The following VSTM5 variants were observed in gnomAD, a reference collection of about 807,000 sequenced individuals.
VSTM5 encodes the protein V-set and transmembrane domain containing 5, also known as V-set and transmembrane domain-containing protein 5.
In VSTM5, 21 loss-of-function variants were observed where a neutral mutation model predicts 20.3. That is an observed-to-expected ratio of 1.03 (90% CI 0.73 to 1.49). VSTM5 has a LOEUF of 1.49. Among genes scored for constraint, VSTM5 ranks in the 40% most tolerant of loss-of-function variants. The pLI, the probability that VSTM5 is intolerant of heterozygous loss-of-function variation, is 0.00. For synonymous variants in VSTM5, 100 were observed against 102.5 expected (o/e 0.98, Z 0.14); for missense variants, 219 against 250.0 (o/e 0.88, Z 0.84).
intron 1 of VSTM5, among the ~76,000 whole-genome samples, chr11:93,831,374 C>T (rs1410439518): frequency 6.6e-6 from 1 of 152,206 alleles, no homozygotes. Context: ...TCTTGAAACA[C>T]CTGCCTGCCA....
At chr11:93,834,930 A>C (rs1042708386) in intron 1 of VSTM5, among the ~76,000 whole-genome samples, 3 of 152,204 alleles carry the variant, frequency 2.0e-5, no homozygotes, top group African/African-American at 7.2e-5. Flanking sequence ...TTCATGGATT[A>C]ATAGATAAGT....
chr11:93,848,469 C>A (rs926104744), intron 1 of VSTM5, among the ~76,000 whole-genome samples: 4 of 152,214 alleles, frequency 2.6e-5, no homozygotes, highest in Non-Finnish European at 2.9e-5. Flanking sequence ...TTTTACCTGG[C>A]CTCCAGGTTT....
intron 1 of VSTM5, among the ~76,000 whole-genome samples, chr11:93,838,365 G>A (rs1252550422): frequency 3.9e-5 from 6 of 151,996 alleles, no homozygotes; most frequent in East Asian, 1.9e-4. Context: ...ATAGCTACTC[G>A]GGAGACTGAG....
At chr11:93,829,388 C>T (rs976161283) in intron 1 of VSTM5, among the ~76,000 whole-genome samples, 23 of 152,018 alleles carry the variant, frequency 1.5e-4, no homozygotes, top group African/African-American at 7.3e-5. Context: ...ATTAGCCAGG[C>T]GTGGTGGCTG....
chr11:93,831,400 C>T (rs1944283590), intron 1 of VSTM5, among the ~76,000 whole-genome samples: 1 of 152,204 alleles, frequency 6.6e-6, no homozygotes, highest in Non-Finnish European at 1.5e-5. Flanking sequence ...TTGGGAAACA[C>T]AGCTTTGTGT....
chr11:93,837,733 G>C (rs1332034125), intron 1 of VSTM5, among the ~76,000 whole-genome samples: 19 of 152,076 alleles, frequency 1.2e-4, no homozygotes, highest in Non-Finnish European at 2.5e-4. Flanking sequence ...AACAATAAAT[G>C]GTAGGCACGG....
intron 1 of VSTM5, among the ~76,000 whole-genome samples, chr11:93,830,309 G>T (rs1012541117): frequency 1.3e-5 from 2 of 152,212 alleles, no homozygotes; most frequent in Non-Finnish European, 2.9e-5. Flanking sequence ...ACAGGTGCTT[G>T]CTCTTTGGGA....
At chr11:93,822,457 A>C (rs1395610632) in intron 1 of VSTM5, among the ~76,000 whole-genome samples, 1 of 149,468 alleles carries the variant, frequency 6.7e-6, no homozygotes, top group African/African-American at 2.5e-5. Flanking sequence ...CACAGCTCTG[A>C]TTCCAATCCT....
chr11:93,845,023 G>T (rs1944402960), intron 1 of VSTM5, among the ~76,000 whole-genome samples: 1 of 66,698 alleles, frequency 1.5e-5, no homozygotes, highest in Non-Finnish European at 3.2e-5. Flanking sequence ...ACACAACGTT[G>T]GGTGTTCTGA....
At chr11:93,840,685 C>CT (rs1316155136) in intron 1 of VSTM5, among the ~76,000 whole-genome samples, 1 of 152,180 alleles carries the variant, frequency 6.6e-6, no homozygotes, top group African/African-American at 2.4e-5. Context: ...CTTCAAAACT[C>CT]TAACACAGTG....
chr11:93,837,923 T>G (rs565019275), intron 1 of VSTM5, among the ~76,000 whole-genome samples: 1 of 149,078 alleles, frequency 6.7e-6, no homozygotes, highest in Non-Finnish European at 1.5e-5. Context: ...ATGGCACAAC[T>G]GATTCAGAGC....
In VSTM5 at chr11:93,821,267, C is replaced by T. The variant is rs114437106; in HGVS notation, c.148G>A (p.Asp50Asn). The T allele has an allele frequency of 8.4e-4, 1,309 of 1,551,794 alleles. 5 individuals are homozygous for T. In the African/African-American group the frequency reaches 0.016, roughly 19 times the overall value. Reference protein sequence around the residue: ...QATINATVKEDILLSVEYSCH... With the variant: ...QATINATVKENILLSVEYSCH... ...GAGTACTCAACTGAGAGCAGGATGT[C>T]TTCTTTGACAGTGGCATTGATGGTG... Residue 50 changes from aspartate (D) to asparagine (N), a missense_variant, in exon 2 of 4, where the codon GAC (aspartate) becomes AAC (asparagine). Physicochemically the swap from Asp to Asn is conservative, Grantham distance 23. Transcript: ENST00000409977.
chr11:93,832,876 G>A (rs1297162976), intron 1 of VSTM5, among the ~76,000 whole-genome samples: 1 of 152,168 alleles, frequency 6.6e-6, no homozygotes, highest in African/African-American at 2.4e-5. Flanking sequence ...CCCTAATAAG[G>A]TAAGGCACTT....
At chr11:93,846,318 G>T (rs772333744) in intron 1 of VSTM5, among the ~76,000 whole-genome samples, 2 of 152,224 alleles carry the variant, frequency 1.3e-5, no homozygotes, top group Non-Finnish European at 2.9e-5. Flanking sequence ...TCCTAGACCA[G>T]CAGGGAGCAT....
At chr11:93,847,016 C>G (rs77063546) in intron 1 of VSTM5, among the ~76,000 whole-genome samples, 7 of 152,068 alleles carry the variant, frequency 4.6e-5, no homozygotes, top group Non-Finnish European at 1.0e-4. Context: ...CCGCCCGGCT[C>G]GGCCTCCCAA....
rs1467732022 is a variant in VSTM5 at position 93,818,640 on chromosome 11, G to T, written c.*1929C>A. The T allele has an allele frequency of 6.6e-6, 1 of 151,918 alleles. No individual in the cohort carries two copies. The highest frequency in any genetic ancestry group is 6.6e-5 in the Admixed American group (1 of 15,240). 9.4% of individuals were successfully genotyped at this position (151,918 alleles called of 1,614,324 possible). A position where few individuals can be genotyped will look rare whatever the true frequency, so the allele number is the denominator to read the frequency against. ...TGCCAGCCCTGACTTCGGGACAAGC[G>T]GAAGAGCAGAGTTCTGAAAGGCAGG... On this transcript the variant is annotated 3_prime_UTR_variant, in exon 4 of 4. Transcript: ENST00000409977.
chr11:93,843,668 A>C (rs1284422625), intron 1 of VSTM5, among the ~76,000 whole-genome samples: 1 of 152,168 alleles, frequency 6.6e-6, no homozygotes, highest in South Asian at 2.1e-4. Context: ...GTTATTTATT[A>C]AGTTATAAAA....
intron 1 of VSTM5, among the ~76,000 whole-genome samples, chr11:93,826,534 A>G (rs1431896493): frequency 6.6e-6 from 1 of 151,722 alleles, no homozygotes; most frequent in Non-Finnish European, 1.5e-5. Flanking sequence ...AGTAGCTGGG[A>G]CTACAGGCGC....
intron 1 of VSTM5, among the ~76,000 whole-genome samples, chr11:93,837,014 C>CACAT (rs1944328698): frequency 6.7e-6 from 1 of 148,480 alleles, no homozygotes; most frequent in Non-Finnish European, 1.5e-5. Context: ...AAAAAATGCA[C>CACAT]ACACACACAC....
Sources: allele counts gnomAD v4.1 joint callset (sites outside exome capture counted in the v4.1 genomes callset), GRCh38; gene constraint gnomAD v4.1.1; transcripts MANE v1.5; gene names NCBI Gene and HGNC (gene_info 2026-07-23, HGNC 2026-07-21).